IL1RL1: variants seen among roughly 807,000 people sequenced by gnomAD.
The protein encoded by IL1RL1 is interleukin-1 receptor-like 1.
Under a neutral mutation model 50.9 loss-of-function variants are expected in IL1RL1, and 32 were observed. That is an observed-to-expected ratio of 0.63 (90% CI 0.47 to 0.84). The LOEUF is 0.84. Among genes scored for constraint, IL1RL1 ranks in the 40% least tolerant of loss-of-function variants. IL1RL1 has a pLI of 0.00. For missense variants in IL1RL1, 773 were observed against 662.9 expected (o/e 1.17, Z -1.82); for synonymous variants, 275 against 236.0 (o/e 1.17, Z -1.51).
intron 8 of IL1RL1, chr2:102,345,664 T>C: frequency 1.0e-6 from 1 of 985,416 alleles, no homozygotes. Flanking sequence ...CTTGTTTTAA[T>C]TTTGACTTTA....
intron 1 of IL1RL1, among the ~76,000 whole-genome samples, chr2:102,335,241 T>A (rs1677283885): frequency 6.6e-6 from 1 of 152,206 alleles, no homozygotes; most frequent in Non-Finnish European, 1.5e-5. Flanking sequence ...GCCTGAATAG[T>A]GAGAAGCCAA....
At chr2:102,318,551 C>T (rs570333818) in intron 1 of IL1RL1, among the ~76,000 whole-genome samples, 1 of 152,194 alleles carries the variant, frequency 6.6e-6, no homozygotes, top group South Asian at 2.1e-4. Flanking sequence ...GACATGAGAA[C>T]CTGAAGTTCA....
intron 5 of IL1RL1, chr2:102,341,125 CT>C: frequency 1.1e-5 from 11 of 975,942 alleles, no homozygotes; most frequent in South Asian, 3.3e-5. Flanking sequence ...ACTTAACTTA[CT>C]TTTTTTGAAT....
chr2:102,320,553 A>G (rs1373886285), intron 1 of IL1RL1, among the ~76,000 whole-genome samples: 1 of 152,098 alleles, frequency 6.6e-6, no homozygotes, highest in Non-Finnish European at 1.5e-5. Flanking sequence ...TCACATCTCC[A>G]GTTTTATGTC....
Position 102,343,496 on chromosome 2 carries a change from C to T in IL1RL1, c.970+81C>T, listed in dbSNP as rs1677661948. 3.1e-6 allele frequency: 5 copies of T among 1,611,014 alleles called. No individual in the cohort carries two copies. The South Asian group carries it at 4.4e-5, about 14-fold the overall frequency. ...AGAATGGAGTGTGGTTCCAAGAGAT[C>T]CATCAAGACAATGGGAATGGCCTGT... On this transcript the variant is annotated intron_variant, in intron 8 of 10. Transcript: ENST00000233954.
intron 1 of IL1RL1, among the ~76,000 whole-genome samples, chr2:102,315,202 A>T (rs1342989516): frequency 1.3e-5 from 2 of 152,076 alleles, no homozygotes; most frequent in Non-Finnish European, 2.9e-5. Flanking sequence ...GGCTTCCTGG[A>T]TGAGGGTGTA....
At chr2:102,336,772 G>A (rs1677341146) in intron 1 of IL1RL1, among the ~76,000 whole-genome samples, 1 of 152,024 alleles carries the variant, frequency 6.6e-6, no homozygotes, top group Non-Finnish European at 1.5e-5. Flanking sequence ...ATGGGGTGGA[G>A]TCACATTCTG....
intron 1 of IL1RL1, among the ~76,000 whole-genome samples, chr2:102,337,628 G>A (rs1010208172): frequency 6.6e-6 from 1 of 152,112 alleles, no homozygotes; most frequent in African/African-American, 2.4e-5. Flanking sequence ...CAATTACTTG[G>A]CTAATGCTTT....
intron 1 of IL1RL1, among the ~76,000 whole-genome samples, chr2:102,324,734 C>A (rs942104738): frequency 6.6e-6 from 1 of 152,146 alleles, no homozygotes; most frequent in African/African-American, 2.4e-5. Flanking sequence ...GGTCCTACAC[C>A]CGTGGAGCCT....
intron 1 of IL1RL1, among the ~76,000 whole-genome samples, chr2:102,330,049 T>C (rs187242610): frequency 5.3e-5 from 8 of 152,314 alleles, no homozygotes; most frequent in Admixed American, 3.3e-4. Context: ...TATATGTTTA[T>C]AGCGGCACTA....
chr2:102,350,334 G>A (rs1677893265), intron 10 of IL1RL1, among the ~76,000 whole-genome samples: 2 of 152,214 alleles, frequency 1.3e-5, no homozygotes, highest in African/African-American at 4.8e-5. Context: ...ATCCACCTAA[G>A]TTCTAGTTAC....
At chr2:102,324,405 T>A (rs1359102827) in intron 1 of IL1RL1, among the ~76,000 whole-genome samples, 1 of 152,178 alleles carries the variant, frequency 6.6e-6, no homozygotes, top group Non-Finnish European at 1.5e-5. Context: ...ACAGCTACAG[T>A]CTACAGCTCC....
At chr2:102,341,161 A>G in intron 5 of IL1RL1, 1 of 1,092,996 alleles carries the variant, frequency 9.1e-7, no homozygotes, top group Non-Finnish European at 1.1e-6. Context: ...TTGGAGAGCA[A>G]AACCAGCTTT....
chr2:102,311,652 A>G (rs1676473680), intron 1 of IL1RL1, 29 bp downstream of exon 1: 1 of 148,062 alleles, frequency 6.8e-6, no homozygotes, highest in South Asian at 2.1e-4. Flanking sequence ...TTTTTCAAAA[A>G]TACTTTTATC....
chr2:102,325,825 A>G (rs1259134259), intron 1 of IL1RL1, among the ~76,000 whole-genome samples: 1 of 152,226 alleles, frequency 6.6e-6, no homozygotes, highest in Non-Finnish European at 1.5e-5. Context: ...GGAAACGAAC[A>G]AAGTCTCCAA....
intron 1 of IL1RL1, among the ~76,000 whole-genome samples, chr2:102,324,482 T>C (rs887793719): frequency 1.3e-5 from 2 of 152,216 alleles, no homozygotes; most frequent in Non-Finnish European, 2.9e-5. Context: ...TTCATCTCAC[T>C]GGGGCGTGTC....
At chr2:102,325,328 C>T (rs1361032060) in intron 1 of IL1RL1, among the ~76,000 whole-genome samples, 1 of 152,102 alleles carries the variant, frequency 6.6e-6, no homozygotes, top group Non-Finnish European at 1.5e-5. Flanking sequence ...ACAGAAACGA[C>T]ATCCACACCA....
chr2:102,311,896 ATCATATATGTTATATATTTT>A (rs1676492446), intron 1 of IL1RL1, among the ~76,000 whole-genome samples: 2 of 62,116 alleles, frequency 3.2e-5, no homozygotes, highest in Non-Finnish European at 5.9e-5. Context: ...TATATAATAT[ATCATATATGTTATATATTTT>A]ATTATATAAT....
intron 1 of IL1RL1, among the ~76,000 whole-genome samples, chr2:102,332,399 A>C (rs374922727): frequency 1.3e-5 from 2 of 152,208 alleles, no homozygotes; most frequent in African/African-American, 4.8e-5. Flanking sequence ...GCTAGAAGCA[A>C]CCCAGATGCC....
Sources: gnomAD v4.1 joint callset for allele counts (sites outside exome capture counted in the v4.1 genomes callset) on GRCh38, gnomAD v4.1.1 for gene constraint, MANE v1.5 for transcripts, NCBI Gene and HGNC (gene_info 2026-07-23, HGNC 2026-07-21) for gene names.